FAM107B: variants seen among roughly 807,000 people sequenced by gnomAD.
The protein encoded by FAM107B is protein FAM107B.
FAM107B carries 21 observed loss-of-function variants against 31.5 expected under a neutral mutation model. The ratio of observed to expected loss-of-function variants is 0.67; its 90% CI spans 0.47 to 0.96. The LOEUF (loss-of-function observed/expected upper bound fraction) is 0.96, where lower values mean the gene tolerates loss of function less well. Ranked by LOEUF, FAM107B falls within the 40% of genes least tolerant of loss-of-function variation. FAM107B has a pLI of 0.00. For missense variants in FAM107B, 452 were observed against 377.1 expected, an observed-to-expected ratio of 1.20 and a Z score of -1.64; for synonymous variants, 157 against 141.5, an observed-to-expected ratio of 1.11 and a Z score of -0.78.
chr10:14,595,059 C>A (rs1023557512), intron 2 of FAM107B, among the ~76,000 whole-genome samples: 6 of 151,406 alleles, frequency 4.0e-5, no homozygotes, highest in African/African-American at 1.5e-4. Context: ...AAAGGCAAAA[C>A]GCTACAGACA....
chr10:14,676,633 G>A (rs1407978250), intron 1 of FAM107B, among the ~76,000 whole-genome samples: 3 of 152,064 alleles, frequency 2.0e-5, no homozygotes, highest in East Asian at 1.9e-4. Context: ...CCCCACCTCC[G>A]TCTGAAGCTC....
intron 1 of FAM107B, among the ~76,000 whole-genome samples, chr10:14,703,527 G>T (rs759432915): frequency 2.6e-5 from 4 of 152,002 alleles, no homozygotes; most frequent in Non-Finnish European, 4.4e-5. Context: ...TAGAGACAGG[G>T]TTTCACCATG....
At chr10:14,671,888 A>AAC (rs1564621034) in intron 1 of FAM107B, among the ~76,000 whole-genome samples, 13 of 148,998 alleles carry the variant, frequency 8.7e-5, no homozygotes, top group African/African-American at 3.0e-4. Flanking sequence ...AAAAAAACAA[A>AAC]AAAACAAAAA....
chr10:14,587,003 C>T (rs565837863), intron 2 of FAM107B, among the ~76,000 whole-genome samples: 80 of 152,332 alleles, frequency 5.3e-4, no homozygotes, highest in Non-Finnish European at 2.8e-4. Context: ...TCTCGCCCAT[C>T]AGGTGAGAGT....
chr10:14,654,032 G>A (rs1008896105), intron 2 of FAM107B: 1 of 151,666 alleles, frequency 6.6e-6, no homozygotes, highest in African/African-American at 2.4e-5. Context: ...TCATAAGCCT[G>A]GCATTTAAAC....
intron 1 of FAM107B, among the ~76,000 whole-genome samples, chr10:14,727,131 G>C (rs1856053441): frequency 6.6e-6 from 1 of 152,102 alleles, no homozygotes; most frequent in Non-Finnish European, 1.5e-5. Flanking sequence ...CTGACAGGAG[G>C]TGGAGCTCAG....
intron 2 of FAM107B, among the ~76,000 whole-genome samples, chr10:14,580,980 A>G (rs1423189345): frequency 1.3e-5 from 2 of 152,214 alleles, no homozygotes; most frequent in Non-Finnish European, 2.9e-5. Flanking sequence ...ACCTGGCTGA[A>G]TGCACCTGAA....
At chr10:14,595,829 T>C (rs1852171614) in intron 2 of FAM107B, among the ~76,000 whole-genome samples, 1 of 152,168 alleles carries the variant, frequency 6.6e-6, no homozygotes, top group Admixed American at 6.5e-5. Flanking sequence ...CCACAATGCC[T>C]TTCTCTCTTG....
chr10:14,569,413 G>C (rs1207708215), intron 2 of FAM107B, among the ~76,000 whole-genome samples: 1 of 151,556 alleles, frequency 6.6e-6, no homozygotes, highest in Admixed American at 6.5e-5. Flanking sequence ...GTGTGTGTGT[G>C]TGCATGCATG....
chr10:14,723,964 T>G, intron 1 of FAM107B: 1 of 749,780 alleles, frequency 1.3e-6, no homozygotes, highest in Non-Finnish European at 2.4e-6. Flanking sequence ...CATTTGGAAG[T>G]CAAGGTTAGT....
At chr10:14,544,361 C>T (rs1173663922) in intron 2 of FAM107B, among the ~76,000 whole-genome samples, 2 of 152,186 alleles carry the variant, frequency 1.3e-5, no homozygotes, top group Non-Finnish European at 2.9e-5. Flanking sequence ...ATCCCAGAAA[C>T]TCTCCTGAAA....
rs1554757965 is a variant in FAM107B, at chr10:14,767,020, G to GTATATATA, written c.411+7232_411+7233insTATATATA. On this transcript the variant is annotated intron_variant, in intron 1 of 4. Coordinates refer to ENST00000181796, the MANE Select transcript of FAM107B (RefSeq NM_031453.4). ...AACTGCAGAACAATATCCCTGATGT[G>GTATATATA]TATGTATATATATATATATATATAT... is the stretch of plus-strand genomic sequence containing the variant. Among the ~76,000 whole-genome samples the GTATATATA allele has an allele frequency of 2.6e-4, 8 of 30,406 alleles. No individual in the cohort carries two copies. The South Asian group carries it at 7.1e-3, about 27-fold the overall frequency. 19.9% of individuals were successfully genotyped at this position (30,406 alleles called of 152,430 possible).
At chr10:14,709,591 T>C (rs1179555647) in intron 1 of FAM107B, among the ~76,000 whole-genome samples, 5 of 152,168 alleles carry the variant, frequency 3.3e-5, no homozygotes, top group African/African-American at 1.2e-4. Context: ...CATGTGGCAA[T>C]TGTGAGAGTT....
At chr10:14,682,649 C>A (rs1161578969) in intron 1 of FAM107B, among the ~76,000 whole-genome samples, 1 of 152,100 alleles carries the variant, frequency 6.6e-6, no homozygotes, top group Non-Finnish European at 1.5e-5. Flanking sequence ...GAACAGAAAA[C>A]CAAGCCTCAC....
chr10:14,658,932 A>G (rs374380383), intron 2 of FAM107B, among the ~76,000 whole-genome samples: 1 of 152,228 alleles, frequency 6.6e-6, no homozygotes, highest in East Asian at 1.9e-4. Context: ...AGTGGTTTCA[A>G]AAACCAAAAC....
rs138145451 is a variant in FAM107B, at chr10:14,744,363, G to A, written c.411+29890C>T. Among the ~76,000 whole-genome samples, 1,345 of 152,218 alleles carry A rather than the reference G, an allele frequency of 8.8e-3. 9 individuals carry two copies. The highest frequency in any genetic ancestry group is 0.034 in the Middle Eastern group (10 of 294). Reference sequence around the variant, plus strand: ...TTTCTTTCTCTTGCCTGATTGCCCTGACCAGAACTTCCAATACTATGTTGA... The same window carrying A: ...TTTCTTTCTCTTGCCTGATTGCCCTAACCAGAACTTCCAATACTATGTTGA... On this transcript the variant is annotated intron_variant, in intron 1 of 4. Coordinates refer to ENST00000181796, the MANE Select transcript of FAM107B (RefSeq NM_031453.4).
intron 1 of FAM107B, among the ~76,000 whole-genome samples, chr10:14,711,168 C>T (rs1014214394): frequency 6.6e-6 from 1 of 152,194 alleles, no homozygotes; most frequent in Non-Finnish European, 1.5e-5. Context: ...ACCTTGGCCT[C>T]CCAAAGTGCT....
intron 1 of FAM107B, among the ~76,000 whole-genome samples, chr10:14,679,764 C>G (rs1173912175): frequency 2.0e-5 from 3 of 152,158 alleles, no homozygotes; most frequent in African/African-American, 7.2e-5. Context: ...AGACAGTGGA[C>G]TGGGAAAGGC....
intron 1 of FAM107B, among the ~76,000 whole-genome samples, chr10:14,736,241 A>T (rs1856296796): frequency 6.6e-6 from 1 of 152,224 alleles, no homozygotes; most frequent in African/African-American, 2.4e-5. Flanking sequence ...AAGTCCATAG[A>T]CAGGAAGTCA....
Sources: gnomAD v4.1 joint callset for allele counts (sites outside exome capture counted in the v4.1 genomes callset) on GRCh38, gnomAD v4.1.1 for gene constraint, MANE v1.5 for transcripts, NCBI Gene and HGNC (gene_info 2026-07-23, HGNC 2026-07-21) for gene names.